KCNQ3: variants seen among roughly 807,000 people sequenced by gnomAD.
The protein encoded by KCNQ3 is potassium voltage-gated channel subfamily KQT member 3.
In KCNQ3, 30 loss-of-function variants were observed where a neutral mutation model predicts 92.5. That is an observed-to-expected ratio of 0.32 (90% CI 0.24 to 0.44). KCNQ3 has a LOEUF of 0.44. Among genes scored for constraint, KCNQ3 ranks in the 20% least tolerant of loss-of-function variants. The probability of loss-of-function intolerance (pLI) is 1.00; values close to 1 mark genes in which losing one functional copy is unlikely to be tolerated. For missense variants in KCNQ3, 913 were observed against 1,140.3 expected (o/e 0.80, Z 2.87); for synonymous variants, 450 against 468.8 (o/e 0.96, Z 0.52).
intron 1 of KCNQ3, among the ~76,000 whole-genome samples, chr8:132,305,326 A>G (rs1586912591): frequency 6.6e-6 from 1 of 152,212 alleles, no homozygotes; most frequent in Non-Finnish European, 1.5e-5. Flanking sequence ...TGCTCCACAG[A>G]TAAGACCACT....
At chr8:132,220,832 A>T (rs751257620) in intron 1 of KCNQ3, among the ~76,000 whole-genome samples, 5 of 152,042 alleles carry the variant, frequency 3.3e-5, no homozygotes, top group Non-Finnish European at 7.4e-5. Flanking sequence ...TTTTTTTATT[A>T]TACTTTAAGT....
chr8:132,357,108 T>C (rs1034704143), intron 1 of KCNQ3, among the ~76,000 whole-genome samples: 1 of 152,210 alleles, frequency 6.6e-6, no homozygotes, highest in Non-Finnish European at 1.5e-5. Context: ...TTGAAGATGA[T>C]CATCCCTTTC....
chr8:132,256,784 G>T (rs979320267), intron 1 of KCNQ3, among the ~76,000 whole-genome samples: 3 of 151,930 alleles, frequency 2.0e-5, no homozygotes, highest in African/African-American at 7.3e-5. Context: ...GAGAAATTAG[G>T]GCATTTCCAG....
chr8:132,451,979 G>A (rs547861389), intron 1 of KCNQ3, among the ~76,000 whole-genome samples: 1 of 152,262 alleles, frequency 6.6e-6, no homozygotes, highest in African/African-American at 2.4e-5. Flanking sequence ...CCCTGGAGTT[G>A]GAGGGCACCT....
chr8:132,147,076 T>C (rs368723828), intron 9 of KCNQ3, among the ~76,000 whole-genome samples: 22 of 152,290 alleles, frequency 1.4e-4, no homozygotes, highest in African/African-American at 5.3e-4. Context: ...AAGGGATCCA[T>C]GGGAAGCAAA....
chr8:132,181,778 G>A (rs1826786236), intron 3 of KCNQ3, among the ~76,000 whole-genome samples: 1 of 152,102 alleles, frequency 6.6e-6, no homozygotes, highest in African/African-American at 2.4e-5. Flanking sequence ...TGCCGGCCAG[G>A]CACAGTGTCT....
chr8:132,365,377 C>T lies in KCNQ3; in HGVS notation c.386+114770G>A, dbSNP rs182664790. 2.7e-3 allele frequency among the ~76,000 whole-genome samples: 410 copies of T among 152,294 alleles called. 3 individuals are homozygous for T. The highest frequency in any genetic ancestry group is 3.1e-3 in the Non-Finnish European group (210 of 68,032). ...TCTTACAATAAACCCAGGCATTTTT[C>T]CTACGTTTTACCCATAAGGAAAGAC... On this transcript the variant is annotated intron_variant, in intron 1 of 14. Coordinates refer to ENST00000388996, the MANE Select transcript of KCNQ3 (RefSeq NM_004519.4).
intron 1 of KCNQ3, among the ~76,000 whole-genome samples, chr8:132,333,869 G>A (rs1016029566): frequency 1.3e-5 from 2 of 152,020 alleles, no homozygotes; most frequent in African/African-American, 4.8e-5. Flanking sequence ...GAACAGCTGG[G>A]ATTACAGGTG....
intron 1 of KCNQ3, among the ~76,000 whole-genome samples, chr8:132,230,467 G>C (rs1379799276): frequency 6.7e-6 from 1 of 149,992 alleles, no homozygotes; most frequent in Non-Finnish European, 1.5e-5. Context: ...GAGAGAGAGA[G>C]AGAGAGAGAG....
chr8:132,421,044 G>C (rs915648001), intron 1 of KCNQ3, among the ~76,000 whole-genome samples: 3 of 152,214 alleles, frequency 2.0e-5, no homozygotes, highest in Admixed American at 6.5e-5. Context: ...GGAGGAGTTT[G>C]AGCAGGGGAT....
intron 1 of KCNQ3, among the ~76,000 whole-genome samples, chr8:132,443,463 C>T (rs1333034053): frequency 1.3e-5 from 2 of 152,064 alleles, no homozygotes; most frequent in Non-Finnish European, 2.9e-5. Flanking sequence ...AAAAAGGGGC[C>T]TGGATGGAGA....
Position 132,129,575 on chromosome 8 carries a change from G to A in KCNQ3, c.2306C>T (p.Pro769Leu). The A allele has an allele frequency of 6.2e-7, 1 of 1,614,174 alleles. No homozygotes were observed. The part of the protein sequence containing the change: ...SCHSQADLQG[P>L]YSDRISPRQR... ...CCGGGGGGAGATTCGGTCCGAGTAGGGGCCCTGCAGGTCAGCCTGGGAGTG... is the reference window on the plus strand; with the variant it reads ...CCGGGGGGAGATTCGGTCCGAGTAGAGGCCCTGCAGGTCAGCCTGGGAGTG... The change falls in exon 15 of 15, where the codon CCC becomes CTC. Residue 769 changes from proline to leucine, a missense_variant. By Grantham distance (98) the Pro-to-Leu change is moderately conservative (BLOSUM62 -3). Coordinates refer to ENST00000388996, the MANE Select transcript of KCNQ3 (RefSeq NM_004519.4). The surrounding 1 kb of genome is among the most constrained non-coding windows in gnomAD (Gnocchi z 5.9).
At chr8:132,306,119 T>C (rs151210171) in intron 1 of KCNQ3, among the ~76,000 whole-genome samples, 65 of 152,280 alleles carry the variant, frequency 4.3e-4, no homozygotes, top group African/African-American at 1.3e-3. Flanking sequence ...TGTGGGAACA[T>C]AGACCTTTCA....
intron 1 of KCNQ3, among the ~76,000 whole-genome samples, chr8:132,468,749 G>T (rs1241304810): frequency 6.6e-6 from 1 of 152,238 alleles, no homozygotes; most frequent in East Asian, 1.9e-4. Flanking sequence ...GGAGCGCATG[G>T]AGAGGAGAGG....
chr8:132,470,805 T>C (rs1457011802), intron 1 of KCNQ3, among the ~76,000 whole-genome samples: 1 of 152,244 alleles, frequency 6.6e-6, no homozygotes, highest in East Asian at 1.9e-4. Flanking sequence ...CCTCATCTTC[T>C]TTTGTTTATT....
intron 9 of KCNQ3, among the ~76,000 whole-genome samples, chr8:132,142,763 T>A (rs1825335726): frequency 6.6e-6 from 1 of 152,228 alleles, no homozygotes. Context: ...GAAGAGCATG[T>A]CTGGTTAGGC....
At chr8:132,162,308 T>C (rs1321416344) in intron 9 of KCNQ3, among the ~76,000 whole-genome samples, 1 of 152,206 alleles carries the variant, frequency 6.6e-6, no homozygotes, top group East Asian at 1.9e-4. Flanking sequence ...TCACTTGCAG[T>C]GTCAAAATCT....
intron 1 of KCNQ3, among the ~76,000 whole-genome samples, chr8:132,386,049 G>T (rs549605546): frequency 1.3e-5 from 2 of 152,112 alleles, no homozygotes; most frequent in African/African-American, 4.8e-5. Context: ...GGATGGTGCA[G>T]GGAAAGATCA....
In KCNQ3 at chr8:132,480,666, C is replaced by G; in HGVS notation, c.-134G>C. On this transcript the variant is annotated 5_prime_UTR_variant, in exon 1 of 15. Transcript: ENST00000388996. ...CCAATGCCATGATCCGCGCGCCCCT[C>G]CCCACCCCCCCCCAAAAGCAGGCAA... 1 of 903,122 alleles carries G rather than the reference C, an allele frequency of 1.1e-6. No individual in the cohort carries two copies. Among genetic ancestry groups the G allele is most frequent in the Non-Finnish European group, 1.3e-6 (1 of 760,012 alleles). 55.9% of individuals were successfully genotyped at this position (903,122 alleles called of 1,614,324 possible).
Sources: allele counts gnomAD v4.1 joint callset (sites outside exome capture counted in the v4.1 genomes callset), GRCh38; gene constraint gnomAD v4.1.1; non-coding constraint Gnocchi (gnomAD v3.1); transcripts MANE v1.5; gene names NCBI Gene and HGNC (gene_info 2026-07-23, HGNC 2026-07-21).